The following ERC1 variants were observed in gnomAD, a reference collection of about 807,000 sequenced individuals.
ERC1 encodes the protein RAB6 interacting protein 2.
In ERC1, 56 loss-of-function variants were observed where a neutral mutation model predicts 132.0. The observed-to-expected ratio is 0.42, with a 90% CI of 0.34 to 0.53. ERC1 has a LOEUF of 0.53. Among genes scored for constraint, ERC1 ranks in the 20% least tolerant of loss-of-function variants. ERC1 has a pLI of 0.03. For synonymous variants in ERC1, 478 were observed against 476.1 expected, an observed-to-expected ratio of 1.00 and a Z score of -0.05; for missense variants, 1,202 against 1,349.9, an observed-to-expected ratio of 0.89 and a Z score of 1.72.
chr12:1,147,234 C>T (rs575784724), intron 8 of ERC1, among the ~76,000 whole-genome samples: 3 of 152,252 alleles, frequency 2.0e-5, no homozygotes, highest in South Asian at 2.1e-4. Context: ...AACTTTCCCC[C>T]GTTCAGCATA....
At chr12:1,196,806 T>TTCTCTCTC (rs755412381) in intron 12 of ERC1, among the ~76,000 whole-genome samples, 1,443 of 90,322 alleles carry the variant, frequency 0.016, 108 homozygotes, top group African/African-American at 0.028. Context: ...CGCACGCTAT[T>TTCTCTCTC]TCTCTCTCTC....
chr12:1,308,082 G>A (rs2081014464), intron 15 of ERC1, among the ~76,000 whole-genome samples: 1 of 152,180 alleles, frequency 6.6e-6, no homozygotes, highest in South Asian at 2.1e-4. Context: ...AAAACTAGTA[G>A]TGTAGCTCTT....
intron 1 of ERC1, among the ~76,000 whole-genome samples, chr12:998,786 C>A (rs1451764007): frequency 6.6e-6 from 1 of 151,628 alleles, no homozygotes; most frequent in Non-Finnish European, 1.5e-5. Flanking sequence ...AAAGCTCTCT[C>A]TTCTCTTGAG....
At chr12:1,432,544 GA>G (rs1432799816) in intron 17 of ERC1, among the ~76,000 whole-genome samples, 3 of 152,206 alleles carry the variant, frequency 2.0e-5, no homozygotes, top group Non-Finnish European at 4.4e-5. Context: ...TCTTCACAAG[GA>G]TGGGCATAAT....
chr12:1,291,203 G>C (rs1283601030), intron 15 of ERC1, among the ~76,000 whole-genome samples: 1 of 152,190 alleles, frequency 6.6e-6, no homozygotes, highest in Admixed American at 6.5e-5. Context: ...TTGGGCTATA[G>C]TGCAAGGCTA....
chr12:1,314,377 T>G (rs1187237190), intron 15 of ERC1, among the ~76,000 whole-genome samples: 1 of 152,182 alleles, frequency 6.6e-6, no homozygotes, highest in Non-Finnish European at 1.5e-5. Context: ...AAAAGTTCCT[T>G]TCTAAAAATG....
chr12:1,165,063 A>G (rs1431986862), intron 8 of ERC1, among the ~76,000 whole-genome samples: 1 of 152,238 alleles, frequency 6.6e-6, no homozygotes, highest in African/African-American at 2.4e-5. Flanking sequence ...AGGAATTACC[A>G]CAGAGTATAA....
chr12:1,218,811 C>A (rs1196654629), intron 12 of ERC1, among the ~76,000 whole-genome samples: 2 of 148,992 alleles, frequency 1.3e-5, no homozygotes, highest in African/African-American at 5.1e-5. Flanking sequence ...CACTCTCAGT[C>A]CTATTCTCAT....
At chr12:1,463,097 A>T (rs1312719082) in intron 18 of ERC1, among the ~76,000 whole-genome samples, 1 of 151,946 alleles carries the variant, frequency 6.6e-6, no homozygotes, top group Non-Finnish European at 1.5e-5. Context: ...ATTGTTCCAA[A>T]ACTTGGCTCA....
chr12:1,161,798 A>G (rs1951908270), intron 8 of ERC1, among the ~76,000 whole-genome samples: 1 of 152,214 alleles, frequency 6.6e-6, no homozygotes, highest in Non-Finnish European at 1.5e-5. Flanking sequence ...AGGAAGAAGA[A>G]TATGGTAACA....
chr12:1,002,027 T>G (rs911701032), intron 1 of ERC1, among the ~76,000 whole-genome samples: 1 of 151,206 alleles, frequency 6.6e-6, no homozygotes, highest in Non-Finnish European at 1.5e-5. Flanking sequence ...CACCCAGCTG[T>G]TTTTTTGTAT....
At chr12:1,145,509 T>C (rs1593687770) in intron 8 of ERC1, among the ~76,000 whole-genome samples, 1 of 152,336 alleles carries the variant, frequency 6.6e-6, no homozygotes, top group African/African-American at 2.4e-5. Context: ...GTGAATATTT[T>C]CTCCAATTCT....
intron 12 of ERC1, among the ~76,000 whole-genome samples, chr12:1,196,018 A>T (rs1486359221): frequency 6.6e-6 from 1 of 151,980 alleles, no homozygotes; most frequent in Non-Finnish European, 1.5e-5. Context: ...TGTCTACCTC[A>T]TACCTTCCAA....
chr12:1,016,524 T>C (rs989940183), intron 1 of ERC1, among the ~76,000 whole-genome samples: 8 of 152,286 alleles, frequency 5.3e-5, no homozygotes, highest in African/African-American at 1.7e-4. Flanking sequence ...GGTAGAAGTA[T>C]TTTTATTTTT....
rs573815421 is a variant in ERC1, at chr12:1,170,546, TG to T, written c.1738-9992del. The stretch of plus-strand genomic sequence containing the variant: ...TACTGCCACAGAAGGATTGCCGTTG[TG>T]GATTTATGTGCCCTCTTTGTCTTTT... On this transcript the variant is annotated intron_variant, in intron 8 of 18. Coordinates refer to ENST00000360905, the MANE Select transcript of ERC1 (RefSeq NM_178040.4). Among the ~76,000 whole-genome samples, 1,276 of 152,340 alleles carry T rather than the reference TG, an allele frequency of 8.4e-3. 13 individuals carry two copies. The highest frequency in any genetic ancestry group is 0.03 in the African/African-American group (1,228 of 41,572).
At chr12:1,069,087 G>T (rs1220329962) in intron 2 of ERC1, among the ~76,000 whole-genome samples, 6 of 152,182 alleles carry the variant, frequency 3.9e-5, no homozygotes, top group Non-Finnish European at 1.5e-5. Flanking sequence ...TGCTAAGACA[G>T]CTTTGTAATT....
At chr12:1,400,908 ATTTTTGTATTTTTTTTTTTTTTTTTTT>A (rs2090973929) in intron 16 of ERC1, among the ~76,000 whole-genome samples, 3 of 43,408 alleles carry the variant, frequency 6.9e-5, no homozygotes, top group South Asian at 1.4e-3. Flanking sequence ...TGTTTTGGCT[ATTTTTGTATTTTTTTTTTTTTTTTTTT>A]TTTTTTTTTT....
chr12:1,067,074 T>G (rs770129774), intron 2 of ERC1, among the ~76,000 whole-genome samples: 1 of 152,110 alleles, frequency 6.6e-6, no homozygotes, highest in Non-Finnish European at 1.5e-5. Flanking sequence ...TCCCAAAGTG[T>G]TGGAATTACA....
intron 11 of ERC1, among the ~76,000 whole-genome samples, chr12:1,185,942 T>C (rs1955045360): frequency 6.6e-6 from 1 of 152,198 alleles, no homozygotes; most frequent in Non-Finnish European, 1.5e-5. Context: ...TAGGGTACAG[T>C]TTCGCTAACA....
Sources: allele counts gnomAD v4.1 joint callset (sites outside exome capture counted in the v4.1 genomes callset), GRCh38; gene constraint gnomAD v4.1.1; transcripts MANE v1.5; gene names NCBI Gene and HGNC (gene_info 2026-07-23, HGNC 2026-07-21).